ORC3: variants seen among roughly 807,000 people sequenced by gnomAD.
ORC3 encodes the protein origin recognition complex subunit 3.
ORC3 carries 78 observed loss-of-function variants against 100.7 expected under a neutral mutation model. That is an observed-to-expected ratio of 0.77 (90% CI 0.65 to 0.94). The LOEUF is 0.94. ORC3 is among the 40% of genes least tolerant of loss of function. ORC3 has a pLI of 0.00. For synonymous variants in ORC3, 295 were observed against 289.3 expected (o/e 1.02, Z -0.20); for missense variants, 789 against 823.9 (o/e 0.96, Z 0.52).
chr6:87,594,035 A>G (rs1301412903), intron 1 of ORC3, among the ~76,000 whole-genome samples: 1 of 152,224 alleles, frequency 6.6e-6, no homozygotes, highest in Non-Finnish European at 1.5e-5. Context: ...GTTTATGAAA[A>G]TGGAACCTTT....
chr6:87,628,747 C>A (rs948884198), intron 11 of ORC3, among the ~76,000 whole-genome samples: 7 of 152,272 alleles, frequency 4.6e-5, no homozygotes, highest in African/African-American at 1.7e-4. Context: ...ACAAAAGGCA[C>A]AAAATCAGTT....
At chr6:87,605,660 A>C (rs1778279169) in intron 4 of ORC3, among the ~76,000 whole-genome samples, 1 of 152,156 alleles carries the variant, frequency 6.6e-6, no homozygotes, top group Admixed American at 6.5e-5. Context: ...AAAAAAAAAA[A>C]AAAGAAGCTT....
intron 13 of ORC3, among the ~76,000 whole-genome samples, chr6:87,639,443 G>A (rs1768060089): frequency 6.6e-6 from 1 of 152,182 alleles, no homozygotes; most frequent in South Asian, 2.1e-4. Context: ...TTAGAGAGAA[G>A]GGGCCCTCCC....
At chr6:87,676,042 A>T in the ORC3 span, 1 of 835,664 alleles carries the variant, frequency 1.2e-6, no homozygotes, top group Non-Finnish European at 1.9e-6. Flanking sequence ...AAAATCACTT[A>T]CATAACCTCA....
chr6:87,604,515 C>T (rs910728074), intron 4 of ORC3, among the ~76,000 whole-genome samples: 5 of 152,150 alleles, frequency 3.3e-5, no homozygotes, highest in Non-Finnish European at 7.3e-5. Context: ...AGTGATGGCC[C>T]ACTTGTACCA....
intron 17 of ORC3, among the ~76,000 whole-genome samples, chr6:87,663,937 C>T (rs957515834): frequency 2.0e-5 from 3 of 152,090 alleles, no homozygotes; most frequent in African/African-American, 7.2e-5. Flanking sequence ...CAAAACGGCA[C>T]ACAAACATGC....
chr6:87,647,668 G>A (rs1467416464), intron 13 of ORC3, among the ~76,000 whole-genome samples: 1 of 152,154 alleles, frequency 6.6e-6, no homozygotes, highest in Non-Finnish European at 1.5e-5. Flanking sequence ...TCAATAAGGT[G>A]TACCTCAAAT....
chr6:87,621,218 T>C (rs997993331), intron 9 of ORC3, 136 bp from the exon 10 acceptor site: 21 of 513,884 alleles, frequency 4.1e-5, no homozygotes, highest in Non-Finnish European at 5.9e-5. Context: ...TGCAGTGTTA[T>C]TGTGACATTA....
At chr6:87,632,512 G>A (rs1170426326) in intron 11 of ORC3, among the ~76,000 whole-genome samples, 2 of 152,074 alleles carry the variant, frequency 1.3e-5, no homozygotes, top group African/African-American at 2.4e-5. Context: ...CCTCAGTTGA[G>A]CACCAGATGA....
intron 12 of ORC3, among the ~76,000 whole-genome samples, chr6:87,635,594 C>T (rs938701341): frequency 1.3e-5 from 2 of 152,076 alleles, no homozygotes; most frequent in Non-Finnish European, 2.9e-5. Context: ...GTCAGCAATT[C>T]GAGAACAGCC....
intron 9 of ORC3, among the ~76,000 whole-genome samples, chr6:87,617,998 T>G (rs1351820998): frequency 6.6e-6 from 1 of 152,226 alleles, no homozygotes; most frequent in African/African-American, 2.4e-5. Context: ...TTAAATGATA[T>G]TAAGATTAAA....
In ORC3 at chr6:87,636,603, A is replaced by G. The variant is rs1056620456; in HGVS notation, c.1382+117A>G. 1.9e-5 allele frequency: 13 copies of G among 667,516 alleles called. No homozygotes were observed. In the African/African-American group the frequency reaches 2.0e-4, roughly 10 times the overall value. 41.3% of individuals were successfully genotyped at this position (667,516 alleles called of 1,614,324 possible). A position where few individuals can be genotyped will look rare whatever the true frequency, so the allele number is the denominator to read the frequency against. Reference sequence around the variant, plus strand: ...TTTCATAAATAGCCATGTTGTGTCTAAGAATATTTGCATATATCTTGAATT... The same window carrying G: ...TTTCATAAATAGCCATGTTGTGTCTGAGAATATTTGCATATATCTTGAATT... On this transcript the variant is annotated intron_variant, in intron 13 of 19. Coordinates refer to ENST00000392844, the MANE Select transcript of ORC3 (RefSeq NM_012381.4).
the ORC3 span, among the ~76,000 whole-genome samples, chr6:87,674,356 A>T: frequency 2.0e-5 from 3 of 151,204 alleles, no homozygotes; most frequent in Non-Finnish European, 4.4e-5. Context: ...GTCAGTTATA[A>T]ATGTGTATTT....
At chr6:87,612,517 T>A (rs1336796905) in intron 8 of ORC3, among the ~76,000 whole-genome samples, 1 of 152,266 alleles carries the variant, frequency 6.6e-6, no homozygotes, top group African/African-American at 2.4e-5. Flanking sequence ...TTTATATCTT[T>A]ACTCAATAGA....
At chr6:87,604,328 T>G (rs1256111713) in intron 4 of ORC3, among the ~76,000 whole-genome samples, 1 of 152,226 alleles carries the variant, frequency 6.6e-6, no homozygotes, top group Non-Finnish European at 1.5e-5. Context: ...ATGTAGATTT[T>G]GGTTAATGGG....
intron 16 of ORC3, among the ~76,000 whole-genome samples, chr6:87,660,626 C>T (rs1770107899): frequency 6.6e-6 from 1 of 152,192 alleles, no homozygotes; most frequent in African/African-American, 2.4e-5. Context: ...GTTGCCAGAT[C>T]TTGAGAGATG....
chr6:87,621,871 T>G, intron 10 of ORC3, 79 bp from the exon 11 acceptor site: 1 of 975,882 alleles, frequency 1.0e-6, no homozygotes, highest in Non-Finnish European at 1.6e-6. Flanking sequence ...ATCTAGGTAG[T>G]TCTTTTTCCC....
intron 11 of ORC3, among the ~76,000 whole-genome samples, chr6:87,622,473 A>T (rs889882373): frequency 2.0e-5 from 3 of 152,170 alleles, no homozygotes; most frequent in Non-Finnish European, 2.9e-5. Flanking sequence ...TAAAGCTAGG[A>T]AAGAAGTAAT....
rs770418098 is a variant in ORC3 at position 87,609,139 on chromosome 6, G to A, written c.623G>A (p.Ser208Asn). 3.9e-5 allele frequency: 63 copies of A among 1,609,296 alleles called. No individual in the cohort carries two copies. The highest frequency in any genetic ancestry group is 5.3e-5 in the Non-Finnish European group (62 of 1,178,858). Residue 208 changes from serine (S) to asparagine (N), a missense_variant, in exon 7 of 20, where the codon AGC becomes AAC. Physicochemically the swap from Ser to Asn is conservative, Grantham distance 46. Coordinates refer to ENST00000392844, the MANE Select transcript of ORC3 (RefSeq NM_012381.4). Reference protein sequence around the residue: ...KMLSKKRTTSSQWQSPPVVVI... With the variant: ...KMLSKKRTTSNQWQSPPVVVI... ...CTAAGCAAAAAAAGGACTACTTCTA[G>A]CCAATGGCAGTCTCCTCCTGTTGTC... is the stretch of plus-strand genomic sequence containing the variant.
Sources: allele counts gnomAD v4.1 joint callset (sites outside exome capture counted in the v4.1 genomes callset), GRCh38; gene constraint gnomAD v4.1.1; transcripts MANE v1.5; gene names NCBI Gene and HGNC (gene_info 2026-07-23, HGNC 2026-07-21).